Variants in FAM222B observed in about 807,000 individuals in gnomAD.
The protein encoded by FAM222B is protein FAM222B.
A neutral mutation model predicts 38.0 loss-of-function variants in FAM222B; 12 were observed. The observed-to-expected ratio is 0.32, with a 90% confidence interval of 0.20 to 0.51. FAM222B has a LOEUF of 0.51. FAM222B is among the 20% of genes least tolerant of loss of function. The probability of loss-of-function intolerance (pLI) is 0.97; values close to 1 mark genes in which losing one functional copy is unlikely to be tolerated. For missense variants in FAM222B, 716 were observed against 754.2 expected (o/e 0.95, Z 0.59); for synonymous variants, 329 against 317.2 (o/e 1.04, Z -0.40).
chr17:28,818,477 G>A (rs913906423), intron 1 of FAM222B, among the ~76,000 whole-genome samples: 1 of 150,958 alleles, frequency 6.6e-6, no homozygotes, highest in Non-Finnish European at 1.5e-5. Flanking sequence ...GCAGTCAGCC[G>A]AGATCGCGCC....
intron 1 of FAM222B, among the ~76,000 whole-genome samples, chr17:28,828,733 C>T (rs1263157221): frequency 6.6e-6 from 1 of 152,060 alleles, no homozygotes; most frequent in Non-Finnish European, 1.5e-5. Context: ...TGGAATTAGT[C>T]TTTAAAGTCT....
intron 1 of FAM222B, among the ~76,000 whole-genome samples, chr17:28,850,631 A>C (rs563473329): frequency 1.3e-5 from 2 of 152,028 alleles, no homozygotes; most frequent in Admixed American, 6.6e-5. Flanking sequence ...CCTTTGGTCA[A>C]CTGGGACCTT....
At chr17:28,814,536 C>A (rs191606120) in intron 1 of FAM222B, among the ~76,000 whole-genome samples, 3 of 152,096 alleles carry the variant, frequency 2.0e-5, no homozygotes, top group Non-Finnish European at 4.4e-5. Flanking sequence ...GTGGTGTAAT[C>A]TTGACTCACT....
intron 1 of FAM222B, among the ~76,000 whole-genome samples, chr17:28,822,802 CAAAAAAAAAAAAAA>C (rs71135859): frequency 6.1e-4 from 6 of 9,880 alleles, no homozygotes; most frequent in Admixed American, 2.3e-3. Context: ...GACTCCATCT[CAAAAAAAAAAAAAA>C]AAAAAAAAAA....
At chr17:28,771,458 G>A (rs2035629331) in intron 1 of FAM222B, among the ~76,000 whole-genome samples, 1 of 152,066 alleles carries the variant, frequency 6.6e-6, no homozygotes, top group South Asian at 2.1e-4. Flanking sequence ...GAGGCAGGGG[G>A]ATCACAAGGT....
At chr17:28,784,675 A>T (rs1013085646) in intron 1 of FAM222B, among the ~76,000 whole-genome samples, 1 of 151,882 alleles carries the variant, frequency 6.6e-6, no homozygotes, top group South Asian at 2.1e-4. Flanking sequence ...CTAAAAATAC[A>T]AAAAATTAGC....
chr17:28,759,426 A>G lies in FAM222B; in HGVS notation c.533T>C (p.Ile178Thr), dbSNP rs2034941964. The G allele has an allele frequency of 4.4e-6, 7 of 1,585,798 alleles. No homozygotes were observed. The highest frequency in any genetic ancestry group is 6.0e-6 in the Non-Finnish European group (7 of 1,168,314). ...GTGGGACAGTGCCTGGGGTGGCGGG[A>G]TACCCTGAGGGTGCTGCAGCGTCTG... Reference protein sequence around the residue: ...PPQTLQHPQGIPPPQALSHPQ... With the variant: ...PPQTLQHPQGTPPPQALSHPQ... Residue 178 changes from isoleucine (I) to threonine (T), a missense_variant, in exon 3 of 3, where the codon ATC (isoleucine) becomes ACC (threonine). Coordinates refer to ENST00000581407, the MANE Select transcript of FAM222B (RefSeq NM_001077498.3). This position sits in a 1 kb window ranked among gnomAD's most constrained non-coding sequence, Gnocchi z 4.8.
At chr17:28,815,720 T>G (rs2037996743) in intron 1 of FAM222B, among the ~76,000 whole-genome samples, 1 of 151,878 alleles carries the variant, frequency 6.6e-6, no homozygotes, top group African/African-American at 2.4e-5. Context: ...ACTCCAGCAC[T>G]TTGGGTGGCT....
intron 1 of FAM222B, among the ~76,000 whole-genome samples, chr17:28,775,905 C>CA (rs528069638): frequency 4.8e-5 from 7 of 147,244 alleles, no homozygotes; most frequent in Middle Eastern, 3.5e-3. Flanking sequence ...AAAACAAAAA[C>CA]AAAAAAACAA....
At chr17:28,813,534 T>G (rs11649699) in intron 1 of FAM222B, among the ~76,000 whole-genome samples, 6 of 149,580 alleles carry the variant, frequency 4.0e-5, no homozygotes, top group Non-Finnish European at 6.0e-5. Flanking sequence ...CTTTTTTTTT[T>G]GTTTTTTTTG....
At chr17:28,807,211 T>A (rs1006346301) in intron 1 of FAM222B, among the ~76,000 whole-genome samples, 1 of 152,024 alleles carries the variant, frequency 6.6e-6, no homozygotes, top group Non-Finnish European at 1.5e-5. Flanking sequence ...AGATGGGGTT[T>A]CTCCATGTTG....
chr17:28,799,832 T>A (rs973850780), intron 1 of FAM222B, among the ~76,000 whole-genome samples: 2 of 152,172 alleles, frequency 1.3e-5, no homozygotes, highest in Non-Finnish European at 2.9e-5. Context: ...GGTCTTGAAC[T>A]CCTAGGCTCA....
chr17:28,790,883 A>AAATTTTTTTTTTTTTTTTTTTTT (rs1567838640), intron 1 of FAM222B, among the ~76,000 whole-genome samples: 2 of 8,906 alleles, frequency 2.2e-4, no homozygotes, highest in Admixed American at 8.9e-4. Context: ...AAATTGTTTC[A>AAATTTTTTTTTTTTTTTTTTTTT]CTTTTTTTTT....
At chr17:28,851,271 A>T (rs1172035112) in intron 1 of FAM222B, among the ~76,000 whole-genome samples, 1 of 151,908 alleles carries the variant, frequency 6.6e-6, no homozygotes, top group Non-Finnish European at 1.5e-5. Flanking sequence ...GGTGGCTCAC[A>T]CCTGTAAGCC....
intron 1 of FAM222B, among the ~76,000 whole-genome samples, chr17:28,804,619 C>T (rs1433280397): frequency 6.6e-6 from 1 of 152,070 alleles, no homozygotes; most frequent in Non-Finnish European, 1.5e-5. Flanking sequence ...CAGGCATGAG[C>T]CACCATGCCT....
At chr17:28,822,884 C>T (rs1346990976) in intron 1 of FAM222B, among the ~76,000 whole-genome samples, 2 of 102,266 alleles carry the variant, frequency 2.0e-5, no homozygotes, top group Non-Finnish European at 3.7e-5. Context: ...TATATATATA[C>T]ACACACACAT....
At chr17:28,780,774 C>T (rs571184129) in intron 1 of FAM222B, among the ~76,000 whole-genome samples, 7 of 151,882 alleles carry the variant, frequency 4.6e-5, no homozygotes, top group Admixed American at 3.3e-4. Flanking sequence ...ACCAGCTACT[C>T]GGAAGGCTGC....
intron 1 of FAM222B, among the ~76,000 whole-genome samples, chr17:28,816,797 G>A (rs2038042846): frequency 6.6e-6 from 1 of 152,056 alleles, no homozygotes; most frequent in Non-Finnish European, 1.5e-5. Flanking sequence ...TAGACTTCAA[G>A]AGAACAGTAG....
intron 1 of FAM222B, among the ~76,000 whole-genome samples, chr17:28,847,880 C>T (rs1174513006): frequency 1.3e-5 from 2 of 150,466 alleles, no homozygotes; most frequent in Non-Finnish European, 3.0e-5. Context: ...CGCCACTGTA[C>T]TCCGGCCTGG....
Sources: allele counts gnomAD v4.1 joint callset (sites outside exome capture counted in the v4.1 genomes callset), GRCh38; gene constraint gnomAD v4.1.1; non-coding constraint Gnocchi (gnomAD v3.1); transcripts MANE v1.5; gene names NCBI Gene and HGNC (gene_info 2026-07-23, HGNC 2026-07-21).